Variants in SULF1 observed in about 807,000 individuals in gnomAD.
SULF1 encodes the protein sulfatase 1.
In SULF1, 46 loss-of-function variants were observed where a neutral mutation model predicts 110.5. That is an observed-to-expected ratio of 0.42 (90% CI 0.33 to 0.53). The LOEUF is 0.53. SULF1 is among the 20% of genes least tolerant of loss of function. The pLI is 0.12. For synonymous variants in SULF1, 371 were observed against 387.1 expected, an observed-to-expected ratio of 0.96 and a Z score of 0.49; for missense variants, 941 against 1,094.2, an observed-to-expected ratio of 0.86 and a Z score of 1.98.
At chr8:69,547,669 C>T (rs548817083) in intron 3 of SULF1, among the ~76,000 whole-genome samples, 3 of 152,266 alleles carry the variant, frequency 2.0e-5, no homozygotes, top group East Asian at 3.9e-4. Context: ...AGTGTGCCGT[C>T]TGCTCTAGCT....
chr8:69,624,682 G>A (rs1359785455), intron 15 of SULF1, among the ~76,000 whole-genome samples: 1 of 152,184 alleles, frequency 6.6e-6, no homozygotes, highest in Non-Finnish European at 1.5e-5. Flanking sequence ...TCCCAGAGAC[G>A]CTTCCAGAGA....
chr8:69,618,989 C>A (rs1448999194), intron 13 of SULF1, among the ~76,000 whole-genome samples: 1 of 152,118 alleles, frequency 6.6e-6, no homozygotes, highest in Non-Finnish European at 1.5e-5. Flanking sequence ...CAAGATATCA[C>A]CCCAAATATG....
At chr8:69,539,464 T>C (rs552945895) in intron 3 of SULF1, among the ~76,000 whole-genome samples, 3 of 152,294 alleles carry the variant, frequency 2.0e-5, no homozygotes, top group Admixed American at 6.5e-5. Flanking sequence ...TAACTAGATA[T>C]GTAGATATGA....
intron 2 of SULF1, among the ~76,000 whole-genome samples, chr8:69,496,821 G>A (rs543859849): frequency 2.7e-4 from 41 of 152,334 alleles, no homozygotes; most frequent in African/African-American, 9.9e-4. Flanking sequence ...AGTGTTTAAA[G>A]AGTGGATAGT....
intron 5 of SULF1, 120 bp downstream of exon 5, chr8:69,564,267 T>A: frequency 8.4e-7 from 1 of 1,184,464 alleles, no homozygotes. Context: ...ACCAACACCC[T>A]AGTTTACGCA....
intron 13 of SULF1, among the ~76,000 whole-genome samples, chr8:69,608,370 G>C (rs1462619486): frequency 6.6e-6 from 1 of 152,168 alleles, no homozygotes; most frequent in Non-Finnish European, 1.5e-5. Flanking sequence ...TCATTCCTAT[G>C]AAGCCAATTA....
chr8:69,634,087 A>G (rs914275137), intron 19 of SULF1, among the ~76,000 whole-genome samples: 4 of 152,200 alleles, frequency 2.6e-5, no homozygotes, highest in African/African-American at 9.7e-5. Context: ...TATAATGATG[A>G]AAGCATTTTC....
chr8:69,475,520 T>C (rs985458399), intron 1 of SULF1, among the ~76,000 whole-genome samples: 2 of 152,102 alleles, frequency 1.3e-5, no homozygotes, highest in Non-Finnish European at 2.9e-5. Flanking sequence ...ACTTGGTGAT[T>C]AGTCAAATAG....
chr8:69,492,751 C>A (rs1810013027), upstream of SULF1: 1 of 152,502 alleles, frequency 6.6e-6, no homozygotes, highest in Non-Finnish European at 1.5e-5. Context: ...CTTCTTGGAA[C>A]TGCCTTTTGT....
chr8:69,638,659 G>T lies in SULF1; in HGVS notation c.2427+15G>T. Reference sequence around the variant, plus strand: ...ATCCTTATCAGGTAAGACAATATATGTTCATTTTATGAAGGTTGTTGAAAA... The same window carrying T: ...ATCCTTATCAGGTAAGACAATATATTTTCATTTTATGAAGGTTGTTGAAAA... On this transcript the variant is annotated intron_variant, in intron 20 of 22. Coordinates refer to ENST00000402687, the MANE Select transcript of SULF1 (RefSeq NM_001128205.2). The T allele has an allele frequency of 6.2e-7, 1 of 1,611,982 alleles. No individual in the cohort carries two copies. Among genetic ancestry groups the T allele is most frequent in the Non-Finnish European group, 8.5e-7 (1 of 1,179,274 alleles).
chr8:69,655,441 C>A (rs933648336), intron 22 of SULF1, among the ~76,000 whole-genome samples: 3 of 152,176 alleles, frequency 2.0e-5, no homozygotes, highest in Non-Finnish European at 4.4e-5. Flanking sequence ...ACTGATAACA[C>A]CTATTGTGTT....
At chr8:69,487,805 T>G (rs1809766606) in intron 1 of SULF1, among the ~76,000 whole-genome samples, 1 of 152,198 alleles carries the variant, frequency 6.6e-6, no homozygotes, top group Admixed American at 6.5e-5. Flanking sequence ...ATTAATACAA[T>G]CTAATGTTCA....
At chr8:69,496,484 T>G (rs73683924) in intron 2 of SULF1, among the ~76,000 whole-genome samples, 2,263 of 152,302 alleles carry the variant, frequency 0.015, 55 homozygotes, top group African/African-American at 0.052. Context: ...AAAAAAGAAG[T>G]GTCCCAAAAA....
Position 69,564,073 on chromosome 8 carries a change from G to A in SULF1, c.98G>A (p.Arg33Gln), listed in dbSNP as rs145127325. 5.0e-6 allele frequency: 8 copies of A among 1,614,030 alleles called. No homozygotes were observed. Among genetic ancestry groups the A allele is most frequent in the Non-Finnish European group, 6.8e-6 (8 of 1,180,038 alleles). ...STVRSPRFRGRIQQERKNIRP... is the reference protein window; with the variant it reads ...STVRSPRFRGQIQQERKNIRP... Reference sequence around the variant, plus strand: ...GTCAGATCCCCGAGGTTCAGAGGACGGATACAGCAGGAACGAAAAAACATC... The same window carrying A: ...GTCAGATCCCCGAGGTTCAGAGGACAGATACAGCAGGAACGAAAAAACATC... Residue 33 changes from arginine (R) to glutamine (Q), a missense_variant, in exon 5 of 23, where the codon CGG becomes CAG. Transcript: ENST00000402687.
intron 22 of SULF1, among the ~76,000 whole-genome samples, chr8:69,641,523 T>C (rs764879137): frequency 2.0e-5 from 3 of 152,008 alleles, no homozygotes; most frequent in Non-Finnish European, 4.4e-5. Context: ...AGCGGGAGGA[T>C]TGCTTGAGTC....
At chr8:69,498,246 G>C (rs778825821) in intron 2 of SULF1, among the ~76,000 whole-genome samples, 1 of 152,156 alleles carries the variant, frequency 6.6e-6, no homozygotes, top group Non-Finnish European at 1.5e-5. Flanking sequence ...ATGATCCACA[G>C]CTAGGCCACT....
intron 3 of SULF1, among the ~76,000 whole-genome samples, chr8:69,536,529 A>G (rs1481717650): frequency 1.3e-5 from 2 of 152,188 alleles, no homozygotes; most frequent in Non-Finnish European, 2.9e-5. Flanking sequence ...GATTGGCAAG[A>G]CATTCTGCTT....
intron 3 of SULF1, among the ~76,000 whole-genome samples, chr8:69,545,755 G>C (rs1586361193): frequency 6.6e-6 from 1 of 152,264 alleles, no homozygotes; most frequent in East Asian, 1.9e-4. Context: ...GGAGTGCAAT[G>C]GCACAATCTT....
At chr8:69,651,520 T>C (rs915871770) in intron 22 of SULF1, among the ~76,000 whole-genome samples, 2 of 151,934 alleles carry the variant, frequency 1.3e-5, no homozygotes, top group Non-Finnish European at 2.9e-5. Flanking sequence ...ACTTTTATCA[T>C]GTTAAGGAAA....
Sources: allele counts gnomAD v4.1 joint callset (sites outside exome capture counted in the v4.1 genomes callset), GRCh38; gene constraint gnomAD v4.1.1; transcripts MANE v1.5; gene names NCBI Gene and HGNC (gene_info 2026-07-23, HGNC 2026-07-21).